CCDC9B: variants seen among roughly 807,000 people sequenced by gnomAD.
CCDC9B encodes the protein coiled-coil domain containing 9B, also known as coiled-coil domain-containing protein 9B.
A neutral mutation model predicts 47.2 loss-of-function variants in CCDC9B; 40 were observed. The ratio of observed to expected loss-of-function variants is 0.85; its 90% CI spans 0.66 to 1.10. CCDC9B has a LOEUF of 1.10. Ranked by LOEUF, CCDC9B falls within the 50% of genes least tolerant of loss-of-function variation. The probability of loss-of-function intolerance (pLI) is 0.00; values close to 1 mark genes in which losing one functional copy is unlikely to be tolerated. For synonymous variants in CCDC9B, 238 were observed against 250.7 expected (o/e 0.95, Z 0.48); for missense variants, 662 against 651.0 (o/e 1.02, Z -0.18).
intron 2 of CCDC9B, 49 bp downstream of exon 2, chr15:40,339,854 CAG>C (rs1403054154): frequency 1.4e-6 from 2 of 1,479,188 alleles, no homozygotes; most frequent in Non-Finnish European, 1.9e-6. Flanking sequence ...GTGTGGGGCA[CAG>C]GGAGCGGCAG....
rs539947229 is a variant in CCDC9B at position 40,340,149 on chromosome 15, T to G, written c.13-134A>C. ...GTCACCCAGGAAGGAAGGGGATTGC[T>G]TAGGGAGATGGCCCAAATAAGGCCC... On this transcript the variant is annotated intron_variant, in intron 1 of 10. Transcript: ENST00000397536. 192 of 629,748 alleles carry G rather than the reference T, an allele frequency of 3.0e-4. 1 individual carries two copies. The African/African-American group carries it at 3.2e-3, about 11-fold the overall frequency. The allele number at this position is 629,748 out of a possible 1,614,324, so 39.0% of individuals were successfully genotyped here. A position where few individuals can be genotyped will look rare whatever the true frequency, so the allele number is the denominator to read the frequency against.
At chr15:40,339,711 G>C (rs1316728791) in intron 2 of CCDC9B, 92 bp from the exon 3 acceptor site, 2 of 1,567,560 alleles carry the variant, frequency 1.3e-6, no homozygotes, top group Non-Finnish European at 1.7e-6. Flanking sequence ...GACACCAGTG[G>C]GACACCAGGG....
In CCDC9B at chr15:40,333,750, C is replaced by T; in HGVS notation, c.*1408G>A. ...TTGAGAGCCAGTGAGGAAGGCTGAGCTGGGACCCCACAGTTTAGGCTTCAC... is the reference window on the plus strand; with the variant it reads ...TTGAGAGCCAGTGAGGAAGGCTGAGTTGGGACCCCACAGTTTAGGCTTCAC... On this transcript the variant is annotated 3_prime_UTR_variant, in exon 11 of 11. Coordinates refer to ENST00000397536, the MANE Select transcript of CCDC9B (RefSeq NM_207380.3). 1.4e-6 allele frequency: 1 copy of T among 695,424 alleles called. No homozygotes were observed. Among genetic ancestry groups the T allele is most frequent in the Non-Finnish European group, 1.8e-6 (1 of 566,070 alleles). The allele number at this position is 695,424 out of a possible 1,614,324, so 43.1% of individuals were successfully genotyped here. A position where few individuals can be genotyped will look rare whatever the true frequency, so the allele number is the denominator to read the frequency against.
At chr15:40,338,699 G>C in intron 4 of CCDC9B, 39 bp from the exon 5 acceptor site, 1 of 1,611,672 alleles carries the variant, frequency 6.2e-7, no homozygotes, top group Non-Finnish European at 8.5e-7. Context: ...CAGAGCCAGG[G>C]AGGAAGAGGC....
In CCDC9B at chr15:40,335,176, G is replaced by A; in HGVS notation, c.1455C>T (p.Gly485=). ...AGVRRRTGRP[G]PAGRC ...GCTGTGTTCAGCATCTTCCTGCCGG[G>A]CCAGGGCGCCCTGTCCTGCGCCTCA... Residue 485 remains glycine (G), a synonymous_variant, in exon 11 of 11, where the codon GGC becomes GGT. Coordinates refer to ENST00000397536, the MANE Select transcript of CCDC9B (RefSeq NM_207380.3). The A allele has an allele frequency of 2.0e-6, 3 of 1,510,204 alleles. No individual in the cohort carries two copies. Among genetic ancestry groups the A allele is most frequent in the Non-Finnish European group, 2.7e-6 (3 of 1,129,088 alleles). 93.6% of individuals were successfully genotyped at this position (1,510,204 alleles called of 1,614,324 possible).
At position 40,335,385 on chromosome 15, in the gene CCDC9B, G is replaced by C. The variant is rs1566907265; in HGVS notation, c.1246C>G (p.Pro416Ala). ...GCCTGGTGATTGCTCCACCCCAGGG[G>C]CTGCTGCTTAGAGCCCTCTGGCCAA... Reference protein sequence around the residue: ...VSWPEGSKQQPLGWSNHQAEL... With the variant: ...VSWPEGSKQQALGWSNHQAEL... Residue 416 changes from proline (P) to alanine (A), a missense_variant, in exon 11 of 11, where the codon CCC (proline) becomes GCC (alanine). Transcript: ENST00000397536. 1 of 1,613,102 alleles carries C rather than the reference G, an allele frequency of 6.2e-7. No individual in the cohort carries two copies. The highest frequency in any genetic ancestry group is 8.5e-7 in the Non-Finnish European group (1 of 1,179,900).
intron 6 of CCDC9B, 129 bp from the exon 7 acceptor site, chr15:40,337,575 G>T: frequency 8.5e-7 from 1 of 1,180,810 alleles, no homozygotes. Context: ...CAAGAAAGAT[G>T]GGAGACCCAG....
rs1449826611 is a variant in CCDC9B at position 40,331,661 on chromosome 15, CCTTAT to C, written c.*3492_*3496del. The C allele has an allele frequency of 4.6e-5, 7 of 152,414 alleles. No homozygotes were observed. The highest frequency in any genetic ancestry group is 3.4e-3 in the Middle Eastern group (1 of 294). 9.4% of individuals were successfully genotyped at this position (152,414 alleles called of 1,614,324 possible). On this transcript the variant is annotated 3_prime_UTR_variant, in exon 11 of 11. Coordinates refer to ENST00000397536, the MANE Select transcript of CCDC9B (RefSeq NM_207380.3). ...TATGGCCGTAGACTATTTTGGATAC[CCTTAT>C]CTTTAATTTTCTCAGCAACCCTTCA...
rs778632989 is a variant in CCDC9B at position 40,335,718 on chromosome 15, C to A, written c.931-18G>T. On this transcript the variant is annotated intron_variant, in intron 10 of 10. Coordinates refer to ENST00000397536, the MANE Select transcript of CCDC9B (RefSeq NM_207380.3). Reference sequence around the variant, plus strand: ...TGGCTTCCCTGAAACAAGAGAATAGCCCCGGTGGCTGATGAATCCAGGGCT... The same window carrying A: ...TGGCTTCCCTGAAACAAGAGAATAGACCCGGTGGCTGATGAATCCAGGGCT... 2 of 1,576,960 alleles carry A rather than the reference C, an allele frequency of 1.3e-6. No homozygotes were observed. The highest frequency in any genetic ancestry group is 1.2e-5 in the South Asian group (1 of 86,342).
At chr15:40,338,201 A>T in intron 5 of CCDC9B, 1 of 710,892 alleles carries the variant, frequency 1.4e-6, no homozygotes. Context: ...AGCTGTGAGC[A>T]AGGGCAAGGA....
Position 40,335,581 on chromosome 15 carries a change from C to T in CCDC9B, c.1050G>A (p.Glu350=). 1 of 1,504,250 alleles carries T rather than the reference C, an allele frequency of 6.6e-7. No individual in the cohort carries two copies. Among genetic ancestry groups the T allele is most frequent in the South Asian group, 1.3e-5 (1 of 74,608 alleles). 93.2% of individuals were successfully genotyped at this position (1,504,250 alleles called of 1,614,324 possible). Residue 350 remains glutamate, a synonymous_variant, in exon 11 of 11, where the codon GAG becomes GAA. Coordinates refer to ENST00000397536, the MANE Select transcript of CCDC9B (RefSeq NM_207380.3). ...PAASPALASP[E]GPKGESVAST... is the part of the protein sequence containing the mutation. The stretch of plus-strand genomic sequence containing the variant: ...AAGCCACTGACTCCCCCTTCGGCCC[C>T]TCTGGGGATGCCAGGGCTGGGCTGG...
chr15:40,334,885 G>A lies in CCDC9B; in HGVS notation c.*273C>T. On this transcript the variant is annotated 3_prime_UTR_variant, in exon 11 of 11. Coordinates refer to ENST00000397536, the MANE Select transcript of CCDC9B (RefSeq NM_207380.3). ...CTGGGCAGCAGTAGGCCCAGGTCAG[G>A]GTGCACCAGCCTCAGATGCCAGATA... 1 of 329,180 alleles carries A rather than the reference G, an allele frequency of 3.0e-6. No individual in the cohort carries two copies. Among genetic ancestry groups the A allele is most frequent in the Non-Finnish European group, 5.5e-6 (1 of 180,550 alleles). The allele number at this position is 329,180 out of a possible 1,614,324, so 20.4% of individuals were successfully genotyped here. A position where few individuals can be genotyped will look rare whatever the true frequency, so the allele number is the denominator to read the frequency against.
In CCDC9B at chr15:40,339,516, G is replaced by C. The variant is rs1188799044; in HGVS notation, c.227C>G (p.Pro76Arg). The change falls in exon 3 of 11, where the codon CCC becomes CGC. Residue 76 changes from proline to arginine, a missense_variant. By Grantham distance (103) the Pro-to-Arg change is moderately radical. Transcript: ENST00000397536. ...DGLTVTISQV[P>R]GEKRVVSRNW... ...GTCTCCCAGGGTGAGGCTTACACCGGGAACCTGGCTGATGGTAACGGTGAG... is the reference window on the plus strand; with the variant it reads ...GTCTCCCAGGGTGAGGCTTACACCGCGAACCTGGCTGATGGTAACGGTGAG... 2 of 1,613,588 alleles carry C rather than the reference G, an allele frequency of 1.2e-6. No homozygotes were observed. Among genetic ancestry groups the C allele is most frequent in the African/African-American group, 1.3e-5 (1 of 74,856 alleles).
In CCDC9B at chr15:40,335,284, G is replaced by T; in HGVS notation, c.1347C>A (p.Gly449=). The T allele has an allele frequency of 6.2e-7, 1 of 1,611,484 alleles. No homozygotes were observed. The highest frequency in any genetic ancestry group is 1.3e-5 in the African/African-American group (1 of 74,996). The change falls in exon 11 of 11, where the codon GGC becomes GGA. Residue 449 remains glycine, a synonymous_variant. Coordinates refer to ENST00000397536, the MANE Select transcript of CCDC9B (RefSeq NM_207380.3). ...GLPEPGEDRS[G]KSGAQQGLAP... ...CCAGGCCCTGCTGGGCCCCAGACTTGCCAGACCTGTCTTCTCCGGGCTCTG... is the reference window on the plus strand; with the variant it reads ...CCAGGCCCTGCTGGGCCCCAGACTTTCCAGACCTGTCTTCTCCGGGCTCTG...
At chr15:40,336,927 G>T in intron 7 of CCDC9B, 114 bp from the exon 8 acceptor site, 1 of 1,123,122 alleles carries the variant, frequency 8.9e-7, no homozygotes, top group Non-Finnish European at 1.3e-6. Flanking sequence ...CGTGGGTTTT[G>T]CCTCCCCAAA....
rs924112644 is a variant in CCDC9B, at chr15:40,339,600, C to T, written c.143G>A (p.Arg48Gln). 2.5e-6 allele frequency: 4 copies of T among 1,613,518 alleles called. No individual in the cohort carries two copies. Among genetic ancestry groups the T allele is most frequent in the Non-Finnish European group, 3.4e-6 (4 of 1,179,896 alleles). Residue 48 changes from arginine to glutamine, a missense_variant, in exon 3 of 11, where the codon CGG (arginine) becomes CAG (glutamine). Arg to Gln is a conservative substitution (Grantham distance 43). Coordinates refer to ENST00000397536, the MANE Select transcript of CCDC9B (RefSeq NM_207380.3). ...AGCCATCCCCCCCTGCTCTGCCTGC[C>T]GACGGTCCTCCTGGATCTCCTGTGG... is the stretch of plus-strand genomic sequence containing the variant. ...RRYQEIQEDR[R>Q]QAEQGGMAVT...
chr15:40,339,483 C>T (rs754390042), intron 3 of CCDC9B, 29 bp downstream of exon 3: 15 of 1,610,986 alleles, frequency 9.3e-6, no homozygotes, highest in Admixed American at 5.0e-5. Flanking sequence ...CTCCTTGCTA[C>T]GAGCCCTGTC....
Position 40,335,171 on chromosome 15 carries a change from G to C in CCDC9B, c.1460C>G (p.Ala487Gly), listed in dbSNP as rs1477957316. 6.6e-7 allele frequency: 1 copy of C among 1,507,544 alleles called. No homozygotes were observed. The allele number at this position is 1,507,544 out of a possible 1,614,324, so 93.4% of individuals were successfully genotyped here. The stretch of plus-strand genomic sequence containing the variant: ...CAGGAGCTGTGTTCAGCATCTTCCT[G>C]CCGGGCCAGGGCGCCCTGTCCTGCG... ...VRRRTGRPGP[A>G]GRC Residue 487 changes from alanine to glycine, a missense_variant, in exon 11 of 11, where the codon GCA becomes GGA. Transcript: ENST00000397536.
chr15:40,338,948 G>A, intron 3 of CCDC9B, 45 bp from the exon 4 acceptor site: 1 of 1,612,220 alleles, frequency 6.2e-7, no homozygotes, highest in Non-Finnish European at 8.5e-7. Flanking sequence ...TGCTGGGCAG[G>A]ACCTGGGTGC....
Sources: allele counts gnomAD v4.1 joint callset, GRCh38; gene constraint gnomAD v4.1.1; transcripts MANE v1.5; gene names NCBI Gene and HGNC (gene_info 2026-07-23, HGNC 2026-07-21).